Variants in MYO1D observed in about 807,000 individuals in gnomAD.
The protein encoded by MYO1D is unconventional myosin-Id.
Under a neutral mutation model 122.0 loss-of-function variants are expected in MYO1D, and 83 were observed. The observed-to-expected ratio is 0.68, with a 90% CI of 0.57 to 0.82. The LOEUF is 0.82. Among genes scored for constraint, MYO1D ranks in the 40% least tolerant of loss-of-function variants. The probability of loss-of-function intolerance (pLI) is 0.00; values close to 1 mark genes in which losing one functional copy is unlikely to be tolerated. For synonymous variants in MYO1D, 464 were observed against 446.9 expected (o/e 1.04, Z -0.48); for missense variants, 1,157 against 1,269.5 (o/e 0.91, Z 1.35).
intron 1 of MYO1D, among the ~76,000 whole-genome samples, chr17:32,853,759 G>A (rs1274392419): frequency 6.6e-6 from 1 of 152,116 alleles, no homozygotes; most frequent in African/African-American, 2.4e-5. Flanking sequence ...AACAAATTAT[G>A]GATCTTTTTT....
At position 32,780,688 on chromosome 17, in the gene MYO1D, C is replaced by A. The variant is rs2090226967; in HGVS notation, c.192G>T (p.Glu64Asp). 6.2e-7 allele frequency: 1 copy of A among 1,614,030 alleles called. No homozygotes were observed. The highest frequency in any genetic ancestry group is 1.7e-5 in the Admixed American group (1 of 60,000). ...CATACAGCTCACGGCCTTTATACTG[C>A]TCAATTGTGTCTCTTCCATAGATGT... ...LLNIYGRDTI[E>D]QYKGRELYER... The change falls in exon 2 of 22, where the codon GAG becomes GAT. Residue 64 changes from glutamate to aspartate, a missense_variant. By Grantham distance (45) the Glu-to-Asp change is conservative. Coordinates refer to ENST00000318217, the MANE Select transcript of MYO1D (RefSeq NM_015194.3).
At position 32,872,690 on chromosome 17, in the gene MYO1D, AT is replaced by A. The variant is rs780676467; in HGVS notation, c.95+4087del. On this transcript the variant is annotated intron_variant, in intron 1 of 21. Transcript: ENST00000318217. ...CCCATCCAGACACACATCTAGGTCA[AT>A]TTTTTTTTTTTTTTTTGAGACGGAG... is the stretch of plus-strand genomic sequence containing the variant. Among the ~76,000 whole-genome samples, 1,015 of 136,280 alleles carry A rather than the reference AT, an allele frequency of 7.4e-3. 8 individuals are homozygous for A. The highest frequency in any genetic ancestry group is 0.02 in the African/African-American group (751 of 37,196). 89.4% of individuals were successfully genotyped at this position (136,280 alleles called of 152,430 possible).
At chr17:32,579,580 C>A (rs993593045) in intron 21 of MYO1D, among the ~76,000 whole-genome samples, 54 of 152,224 alleles carry the variant, frequency 3.5e-4, no homozygotes, top group Non-Finnish European at 7.4e-5. Context: ...ATATATTATA[C>A]CTGTGAAACC....
At chr17:32,510,953 A>C (rs1427032674) in intron 21 of MYO1D, 2 of 94,572 alleles carry the variant, frequency 2.1e-5, no homozygotes, top group Non-Finnish European at 4.9e-5. Context: ...CTCAAGTATG[A>C]GGGAAGAAAA....
At chr17:32,759,338 A>G (rs1001869318) in intron 10 of MYO1D, among the ~76,000 whole-genome samples, 1 of 152,070 alleles carries the variant, frequency 6.6e-6, no homozygotes, top group African/African-American at 2.4e-5. Flanking sequence ...TTGTTATATC[A>G]CTGTCTCTTT....
chr17:32,673,089 A>ATTT (rs2088745430), intron 16 of MYO1D, among the ~76,000 whole-genome samples: 4 of 28,634 alleles, frequency 1.4e-4, no homozygotes, highest in Non-Finnish European at 3.2e-4. Context: ...TAAACATGCT[A>ATTT]CTTTTTTTTT....
At chr17:32,660,099 C>T (rs2088541339) in intron 16 of MYO1D, among the ~76,000 whole-genome samples, 2 of 152,108 alleles carry the variant, frequency 1.3e-5, no homozygotes, top group South Asian at 4.1e-4. Flanking sequence ...CCTGTATATC[C>T]TCTCCACCAC....
At chr17:32,806,543 T>G (rs1182462152) in intron 1 of MYO1D, among the ~76,000 whole-genome samples, 1 of 152,038 alleles carries the variant, frequency 6.6e-6, no homozygotes, top group East Asian at 1.9e-4. Context: ...CTTTTAAATT[T>G]TTAAAAAATT....
rs770340740 is a variant in MYO1D at position 32,638,854 on chromosome 17, A to G, written c.2596-19T>C. The G allele has an allele frequency of 5.3e-6, 8 of 1,509,994 alleles. No individual in the cohort carries two copies. The highest frequency in any genetic ancestry group is 5.5e-6 in the Non-Finnish European group (6 of 1,085,212). 93.5% of individuals were successfully genotyped at this position (1,509,994 alleles called of 1,614,324 possible). On this transcript the variant is annotated intron_variant, in intron 19 of 21. Transcript: ENST00000318217. The stretch of plus-strand genomic sequence containing the variant: ...GATTTACCTGTAAGAGAACAAACCA[A>G]TAAACCATAGTATCTCATCAATAAG...
chr17:32,574,340 A>G (rs1352882790), intron 21 of MYO1D, among the ~76,000 whole-genome samples: 1 of 152,070 alleles, frequency 6.6e-6, no homozygotes, highest in East Asian at 1.9e-4. Flanking sequence ...TGATGCACCC[A>G]AGATGAAATT....
intron 16 of MYO1D, among the ~76,000 whole-genome samples, chr17:32,682,523 C>T (rs1176983713): frequency 6.6e-6 from 1 of 151,408 alleles, no homozygotes; most frequent in Non-Finnish European, 1.5e-5. Context: ...CTTAGTTTGG[C>T]TGGATATGAA....
At chr17:32,573,306 C>T (rs931025231) in intron 21 of MYO1D, among the ~76,000 whole-genome samples, 6 of 152,152 alleles carry the variant, frequency 3.9e-5, no homozygotes, top group Non-Finnish European at 7.4e-5. Flanking sequence ...CTTGAATCCC[C>T]GCATTTCACA....
intron 21 of MYO1D, among the ~76,000 whole-genome samples, chr17:32,545,897 CG>C (rs1287940364): frequency 2.0e-5 from 3 of 151,570 alleles, no homozygotes; most frequent in African/African-American, 4.9e-5. Flanking sequence ...TTCTTTTTCT[CG>C]GTGTCTTTTC....
chr17:32,612,682 C>CAAAA (rs1262090966), intron 20 of MYO1D, among the ~76,000 whole-genome samples: 3 of 23,456 alleles, frequency 1.3e-4, no homozygotes, highest in East Asian at 1.0e-3. Context: ...AGACCCATCT[C>CAAAA]AAAAAAAAAA....
chr17:32,537,281 C>T (rs1342849530), intron 21 of MYO1D, among the ~76,000 whole-genome samples: 1 of 152,152 alleles, frequency 6.6e-6, no homozygotes, highest in East Asian at 1.9e-4. Context: ...GAAACTAAGA[C>T]CCAGGGCCAA....
intron 19 of MYO1D, among the ~76,000 whole-genome samples, chr17:32,641,969 C>A (rs1046816380): frequency 6.6e-6 from 1 of 152,148 alleles, no homozygotes; most frequent in African/African-American, 2.4e-5. Context: ...GCTTTTGTTG[C>A]CATTGCTTTT....
At chr17:32,631,231 G>A (rs2088001549) in intron 20 of MYO1D, among the ~76,000 whole-genome samples, 1 of 152,154 alleles carries the variant, frequency 6.6e-6, no homozygotes, top group Admixed American at 6.5e-5. Flanking sequence ...GTGCAGTGTG[G>A]ACTAAAACAG....
intron 16 of MYO1D, among the ~76,000 whole-genome samples, chr17:32,708,920 T>A (rs980439417): frequency 1.3e-5 from 2 of 152,168 alleles, no homozygotes; most frequent in African/African-American, 4.8e-5. Flanking sequence ...AATGGCACCC[T>A]GCATTTCTAG....
chr17:32,672,454 C>T (rs908086230), intron 16 of MYO1D, among the ~76,000 whole-genome samples: 17 of 152,100 alleles, frequency 1.1e-4, no homozygotes, highest in Admixed American at 4.6e-4. Context: ...TTCATATATA[C>T]GCAGATAATT....
Sources: allele counts gnomAD v4.1 joint callset (sites outside exome capture counted in the v4.1 genomes callset), GRCh38; gene constraint gnomAD v4.1.1; transcripts MANE v1.5; gene names NCBI Gene and HGNC (gene_info 2026-07-23, HGNC 2026-07-21).